Variants in TTN observed in about 807,000 individuals in gnomAD.
The protein encoded by TTN is titin, also known as connectin.
Under a neutral mutation model 3,223.0 loss-of-function variants are expected in TTN, and 1,525 were observed. The observed-to-expected ratio is 0.47, with a 90% CI of 0.45 to 0.49. The LOEUF is 0.49. Among genes scored for constraint, TTN ranks in the 20% least tolerant of loss-of-function variants. The pLI is 0.00. For synonymous variants in TTN, 14,094 were observed against 15,161.0 expected, an observed-to-expected ratio of 0.93 and a Z score of 5.17; for missense variants, 40,786 against 43,424.0, an observed-to-expected ratio of 0.94 and a Z score of 5.40.
chr2:178,578,611 C>G lies in TTN; in HGVS notation c.68329G>C (p.Gly22777Arg), dbSNP rs2154174748. ...PKKTGGSPIT[G>R]YHLEFKERNS... Reference sequence around the variant, plus strand: ...TGTAGGATAAGAACAAACAAAATACCTGTAATTGGAGAACCACCAGTTTTC... The same window carrying G: ...TGTAGGATAAGAACAAACAAAATACGTGTAATTGGAGAACCACCAGTTTTC... Residue 22777 changes from glycine to arginine, a missense_variant and splice_region_variant, in exon 321 of 363, where the codon GGG (glycine) becomes CGG (arginine). By Grantham distance (125) the Gly-to-Arg change is moderately radical. Transcript: ENST00000589042. 2 of 1,606,678 alleles carry G rather than the reference C, an allele frequency of 1.2e-6. No homozygotes were observed. The highest frequency in any genetic ancestry group is 1.3e-5 in the African/African-American group (1 of 74,818).
At position 178,714,107 on chromosome 2, in the gene TTN, A is replaced by C. The variant is rs558169834; in HGVS notation, c.26551T>G (p.Cys8851Gly). 115 of 1,613,428 alleles carry C rather than the reference A, an allele frequency of 7.1e-5. No homozygotes were observed. Among genetic ancestry groups the C allele is most frequent in the Non-Finnish European group, 9.5e-5 (112 of 1,179,696 alleles). Residue 8851 changes from cysteine (C) to glycine (G), a missense_variant, in exon 92 of 363, where the codon TGT becomes GGT. Cys to Gly is a radical substitution (Grantham distance 159). Transcript: ENST00000589042. ...VTTGDTCTLE[C>G]TVAGTPELST... Reference sequence around the variant, plus strand: ...AGTTCAGGGGTGCCAGCTACTGTACACTCCAAGGTACAGGTGTCTCCCGTG... The same window carrying C: ...AGTTCAGGGGTGCCAGCTACTGTACCCTCCAAGGTACAGGTGTCTCCCGTG...
In TTN at chr2:178,734,317, C is replaced by G. The variant is rs779819985; in HGVS notation, c.15496+11G>C. On this transcript the variant is annotated intron_variant, in intron 52 of 362. Transcript: ENST00000589042. Reference sequence around the variant, plus strand: ...ATTTATTAAAGAGACATTAGTTTTTCAAGCACTAACCTTTGAGTAAGTGGG... The same window carrying G: ...ATTTATTAAAGAGACATTAGTTTTTGAAGCACTAACCTTTGAGTAAGTGGG... The G allele has an allele frequency of 6.4e-7, 1 of 1,553,372 alleles. No individual in the cohort carries two copies. Among genetic ancestry groups the G allele is most frequent in the African/African-American group, 1.4e-5 (1 of 72,504 alleles).
intron 129 of TTN, 72 bp from the exon 130 acceptor site, chr2:178,685,061 T>C (rs2154275185): frequency 7.5e-7 from 1 of 1,335,004 alleles, no homozygotes; most frequent in Non-Finnish European, 1.0e-6. Context: ...GGGCTTAGCA[T>C]TCACTTTTTG....
In TTN at chr2:178,545,382, G is replaced by A. The variant is rs1201140203; in HGVS notation, c.95722+6C>T. The A allele has an allele frequency of 6.5e-7, 1 of 1,540,340 alleles. No individual in the cohort carries two copies. Among genetic ancestry groups the A allele is most frequent in the African/African-American group, 1.4e-5 (1 of 72,482 alleles). On this transcript the variant is annotated splice_donor_region_variant and intron_variant, in intron 344 of 362. Coordinates refer to ENST00000589042, the MANE Select transcript of TTN (RefSeq NM_001267550.2). ...ATTGTATTTATGTATGATTCTTGGA[G>A]CTCACATGATGGTTCTCTGCATGAG... is the stretch of plus-strand genomic sequence containing the variant.
chr2:178,747,938 G>A (rs2084144758), intron 47 of TTN: 1 of 1,613,084 alleles, frequency 6.2e-7, no homozygotes, highest in East Asian at 2.2e-5. Context: ...TCTATGGAGT[G>A]TGTCAGCTTC....
chr2:178,588,174 T>G lies in TTN; in HGVS notation c.63233A>C (p.Lys21078Thr), dbSNP rs879227779. The G allele has an allele frequency of 2.4e-5, 38 of 1,601,114 alleles. No homozygotes were observed. The Admixed American group carries it at 4.5e-4, about 19-fold the overall frequency. Residue 21078 changes from lysine (K) to threonine (T), a missense_variant, in exon 305 of 363, where the codon AAA (lysine) becomes ACA (threonine). By Grantham distance (78) the Lys-to-Thr change is moderately conservative. Transcript: ENST00000589042. ...TCCCCACCCAAGAGTTATGGAATGT[T>G]TGGTTGTATCAACCACTCTGAAATT... Reference protein sequence around the residue: ...PTNFRVVDTTKHSITLGWGKP... With the variant: ...PTNFRVVDTTTHSITLGWGKP...
At chr2:178,651,999 A>C (rs1397708900) in intron 204 of TTN, 32 bp from the exon 205 acceptor site, 1 of 1,611,174 alleles carries the variant, frequency 6.2e-7, no homozygotes, top group Admixed American at 1.7e-5. Flanking sequence ...TTAATGCCAG[A>C]ATTGACTAAA....
intron 198 of TTN, 56 bp downstream of exon 198, chr2:178,653,182 T>G (rs1346404969): frequency 6.2e-6 from 10 of 1,610,716 alleles, no homozygotes; most frequent in Non-Finnish European, 2.5e-6. Context: ...TGGAACAAAA[T>G]GTCTTCAACT....
At position 178,589,708 on chromosome 2, in the gene TTN, C is replaced by T. The variant is rs2049807795; in HGVS notation, c.62017G>A (p.Glu20673Lys). 2 of 1,613,516 alleles carry T rather than the reference C, an allele frequency of 1.2e-6. No individual in the cohort carries two copies. Among genetic ancestry groups the T allele is most frequent in the Middle Eastern group, 1.7e-4 (1 of 6,050 alleles). Residue 20673 changes from glutamate to lysine, a missense_variant, in exon 304 of 363, where the codon GAA (glutamate) becomes AAA (lysine). Glu to Lys is a moderately conservative substitution (Grantham distance 56). Coordinates refer to ENST00000589042, the MANE Select transcript of TTN (RefSeq NM_001267550.2). ...CCTTTATCTGCAATGTGAAGGTTTT[C>T]AGGCTCACCTGGTCTGTCAATAGGG... is the stretch of plus-strand genomic sequence containing the variant. ...INPIDRPGEP[E>K]NLHIADKGKT...
chr2:178,785,669 T>C lies in TTN; in HGVS notation c.2444A>G (p.His815Arg). 1 of 1,614,126 alleles carries C rather than the reference T, an allele frequency of 6.2e-7. No individual in the cohort carries two copies. Among genetic ancestry groups the C allele is most frequent in the Non-Finnish European group, 8.5e-7 (1 of 1,179,994 alleles). ...VDKRPRTASPHFTVSKISVPK... is the reference protein window; with the variant it reads ...VDKRPRTASPRFTVSKISVPK... ...AACAGAAATTTTTGAAACAGTAAAG[T>C]GAGGGCTAGCTGTGCGGGGGCGTTT... Residue 815 changes from histidine to arginine, a missense_variant, in exon 15 of 363, where the codon CAC (histidine) becomes CGC (arginine). Coordinates refer to ENST00000589042, the MANE Select transcript of TTN (RefSeq NM_001267550.2).
Position 178,570,533 on chromosome 2 carries a change from T to A in TTN, c.75599A>T (p.Lys25200Met). The A allele has an allele frequency of 1.2e-6, 2 of 1,613,328 alleles. No homozygotes were observed. Among genetic ancestry groups the A allele is most frequent in the Non-Finnish European group, 1.7e-6 (2 of 1,179,584 alleles). Residue 25200 changes from lysine to methionine, a missense_variant, in exon 326 of 363, where the codon AAG becomes ATG. Physicochemically the swap from Lys to Met is moderately conservative, Grantham distance 95. Transcript: ENST00000589042. ...AGGTGGCCCTGGTCTGTCAAGAACCTTGACATTCACAGTAACTGATCTTTC... is the reference window on the plus strand; with the variant it reads ...AGGTGGCCCTGGTCTGTCAAGAACCATGACATTCACAGTAACTGATCTTTC... Reference protein sequence around the residue: ...AGERSVTVNVKVLDRPGPPEG... With the variant: ...AGERSVTVNVMVLDRPGPPEG...
In TTN at chr2:178,539,553, C is replaced by T. The variant is rs200318160; in HGVS notation, c.98512G>A (p.Val32838Met). Residue 32838 changes from valine (V) to methionine (M), a missense_variant, in exon 352 of 363, where the codon GTG becomes ATG. Physicochemically the swap from Val to Met is conservative, Grantham distance 21. Coordinates refer to ENST00000589042, the MANE Select transcript of TTN (RefSeq NM_001267550.2). ...ATGGTATACCAGGCGGCTTTAGGCACTTCTCGTCTCTCGAGGATGTAGCCT... is the reference window on the plus strand; with the variant it reads ...ATGGTATACCAGGCGGCTTTAGGCATTTCTCGTCTCTCGAGGATGTAGCCT... ...ILGYILERRE[V>M]PKAAWYTIDS... 8.7e-6 allele frequency: 14 copies of T among 1,613,688 alleles called. No homozygotes were observed. The highest frequency in any genetic ancestry group is 1.2e-5 in the Non-Finnish European group (14 of 1,179,796).
intron 339 of TTN, 31 bp downstream of exon 339, chr2:178,547,376 G>T: frequency 6.3e-7 from 1 of 1,581,074 alleles, no homozygotes; most frequent in Non-Finnish European, 8.6e-7. Flanking sequence ...TAATAATAGA[G>T]ACTTTGAAAT....
chr2:178,712,750 A>C lies in TTN; in HGVS notation c.27275T>G (p.Ile9092Arg). 3.1e-6 allele frequency: 5 copies of C among 1,613,870 alleles called. No homozygotes were observed. Among genetic ancestry groups the C allele is most frequent in the Non-Finnish European group, 4.2e-6 (5 of 1,179,800 alleles). The change falls in exon 94 of 363, where the codon ATA becomes AGA. Residue 9092 changes from isoleucine to arginine, a missense_variant. Coordinates refer to ENST00000589042, the MANE Select transcript of TTN (RefSeq NM_001267550.2). ...DTSQSGEYTC[I>R]VSNEAGKASC... is the part of the protein sequence containing the mutation. ...AGCCTTGCCAGCTTCATTGCTAACT[A>C]TGCAAGTATATTCTCCACTTTGTGA... is the stretch of plus-strand genomic sequence containing the variant.
At chr2:178,554,413 A>AT in intron 332 of TTN, 40 bp downstream of exon 332, 1 of 1,588,086 alleles carries the variant, frequency 6.3e-7, no homozygotes, top group Non-Finnish European at 8.6e-7. Context: ...TTATTTTTAA[A>AT]TTTTTCACGT....
chr2:178,610,041 A>G lies in TTN; in HGVS notation c.51436+49T>C, dbSNP rs756642103. 1.2e-5 allele frequency: 20 copies of G among 1,610,866 alleles called. No individual in the cohort carries two copies. In the Middle Eastern group the frequency reaches 4.9e-4, roughly 40 times the overall value. On this transcript the variant is annotated intron_variant, in intron 271 of 362. Coordinates refer to ENST00000589042, the MANE Select transcript of TTN (RefSeq NM_001267550.2). ...AGGAAAACCACCTTCTTAAAACAAAACTATGGTTTATTAGTTCTTAGCCAT... is the reference window on the plus strand; with the variant it reads ...AGGAAAACCACCTTCTTAAAACAAAGCTATGGTTTATTAGTTCTTAGCCAT...
rs878940993 is a variant in TTN at position 178,710,720 on chromosome 2, T to C, written c.28377A>G (p.Val9459=). Residue 9459 remains valine (V), a synonymous_variant, in exon 98 of 363, where the codon GTA becomes GTG. Coordinates refer to ENST00000589042, the MANE Select transcript of TTN (RefSeq NM_001267550.2). ...TATATTGTCCAGAATCTCCTTTGTC[T>C]ACTTTGAGGACTGTCAGGTGGGCGC... The part of the protein sequence containing the change: ...ENSAHLTVLK[V]DKGDSGQYTC... 1 of 1,613,722 alleles carries C rather than the reference T, an allele frequency of 6.2e-7. No homozygotes were observed. Among genetic ancestry groups the C allele is most frequent in the Non-Finnish European group, 8.5e-7 (1 of 1,179,836 alleles).
Position 178,681,089 on chromosome 2 carries a change from G to C in TTN, c.33330C>G (p.Pro11110=). The C allele has an allele frequency of 6.3e-7, 1 of 1,599,340 alleles. No individual in the cohort carries two copies. The highest frequency in any genetic ancestry group is 8.5e-7 in the Non-Finnish European group (1 of 1,175,236). The stretch of plus-strand genomic sequence containing the variant: ...AGGAAATCATTATACCTTTAGCAGC[G>C]GGTTCAGTCACCTGCTCTTTTTCAC... The part of the protein sequence containing the change: ...TKREKEQVTE[P]AAKVPMKPKR... The change falls in exon 138 of 363, where the codon CCC becomes CCG. Residue 11110 remains proline, a synonymous_variant. Transcript: ENST00000589042.
rs1438800303 is a variant in TTN, at chr2:178,532,502, G to T, written c.104113C>A (p.Leu34705Ile). Residue 34705 changes from leucine to isoleucine, a missense_variant, in exon 358 of 363, where the codon CTT (leucine) becomes ATT (isoleucine). Coordinates refer to ENST00000589042, the MANE Select transcript of TTN (RefSeq NM_001267550.2). ...PPSRSPPHFE[L>I]SSLRYSSPQA... is the part of the protein sequence containing the mutation. ...GGTGAAGAGTAACGTAGGCTAGAAA[G>T]CTCAAAGTGTGGAGGGCTTCGACTT... 2.5e-6 allele frequency: 4 copies of T among 1,613,854 alleles called. No individual in the cohort carries two copies. Among genetic ancestry groups the T allele is most frequent in the Non-Finnish European group, 2.5e-6 (3 of 1,179,872 alleles).
Sources: gnomAD v4.1 joint callset for allele counts on GRCh38, gnomAD v4.1.1 for gene constraint, MANE v1.5 for transcripts, NCBI Gene and HGNC (gene_info 2026-07-23, HGNC 2026-07-21) for gene names.